Variants in GPR162 observed in about 807,000 individuals in gnomAD.
The protein encoded by GPR162 is G protein-coupled receptor 162.
Under a neutral mutation model 44.9 loss-of-function variants are expected in GPR162, and 26 were observed. The ratio of observed to expected loss-of-function variants is 0.58; its 90% CI spans 0.42 to 0.80. The LOEUF is 0.80. Ranked by LOEUF, GPR162 falls within the 30% of genes least tolerant of loss-of-function variation. The probability of loss-of-function intolerance (pLI) is 0.00; values close to 1 mark genes in which losing one functional copy is unlikely to be tolerated. For synonymous variants in GPR162, 363 were observed against 335.2 expected, an observed-to-expected ratio of 1.08 and a Z score of -0.91; for missense variants, 704 against 802.3, an observed-to-expected ratio of 0.88 and a Z score of 1.48.
intron 4 of GPR162, 112 bp downstream of exon 4, chr12:6,826,465 T>A: frequency 8.4e-7 from 1 of 1,189,682 alleles, no homozygotes; most frequent in Non-Finnish European, 1.2e-6. Context: ...CAGGGCACCA[T>A]AGAGCTGGGT....
In GPR162 at chr12:6,822,855, T is replaced by C. The variant is rs1240212003; in HGVS notation, c.-431-613T>C. ...TCAAACTCTCCTCCTTCTCCCTAGT[T>C]CCCCCTCTTTCCATTTCTGGATGCT... On this transcript the variant is annotated intron_variant, in intron 1 of 4. Coordinates refer to ENST00000311268, the MANE Select transcript of GPR162 (RefSeq NM_019858.2). This position sits in a 1 kb window ranked among gnomAD's most constrained non-coding sequence, Gnocchi z 4.2. Among the ~76,000 whole-genome samples, 1 of 151,930 alleles carries C rather than the reference T, an allele frequency of 6.6e-6. No individual in the cohort carries two copies. Among genetic ancestry groups the C allele is most frequent in the African/African-American group, 2.4e-5 (1 of 41,384 alleles).
rs782051777 is a variant in GPR162 at position 6,825,566 on chromosome 12, C to CGCT, written c.959_961dup (p.Leu320dup). The CGCT allele has an allele frequency of 1.2e-6, 2 of 1,609,602 alleles. No homozygotes were observed. The highest frequency in any genetic ancestry group is 2.2e-5 in the South Asian group (2 of 90,072). On this transcript the variant is annotated inframe_insertion, in exon 3 of 5. Coordinates refer to ENST00000311268, the MANE Select transcript of GPR162 (RefSeq NM_019858.2). ...GTGCTGTGGTGCTCCATGGCACAGACGCTGCTGCTGCCCTCCTTCATCTGG... is the reference window on the plus strand; with the variant it reads ...GTGCTGTGGTGCTCCATGGCACAGACGCTGCTGCTGCTGCCCTCCTTCATCTGG...
rs180984481 is a variant in GPR162, at chr12:6,826,202, G to A, written c.1064G>A (p.Gly355Asp). ...MSEEDGDDDG[G>D]CDDYAEGRVC... is the part of the protein sequence containing the mutation. ...TGCCCATTTTCTCTCCTAGATGGGG[G>A]CTGTGACGACTATGCAGAGGGCCGA... Residue 355 changes from glycine to aspartate, a missense_variant, in exon 4 of 5, where the codon GGC becomes GAC. Gly to Asp is a moderately conservative substitution (Grantham distance 94). Coordinates refer to ENST00000311268, the MANE Select transcript of GPR162 (RefSeq NM_019858.2). 1.9e-6 allele frequency: 3 copies of A among 1,613,362 alleles called. No homozygotes were observed. The highest frequency in any genetic ancestry group is 4.5e-5 in the East Asian group (2 of 44,872).
intron 1 of GPR162, among the ~76,000 whole-genome samples, chr12:6,823,213 G>A (rs782026623): frequency 2.0e-5 from 3 of 152,200 alleles, no homozygotes; most frequent in Non-Finnish European, 4.4e-5. Flanking sequence ...GAGTTCCAGC[G>A]GGAGGAGGAA....
chr12:6,823,797 C>A lies in GPR162; in HGVS notation c.-102C>A, dbSNP rs377755632. ...GGGGGCAGCCTGCCTGCTGACAGGG[C>A]GAGGATTGTGGGGATCATGGGAGTG... On this transcript the variant is annotated 5_prime_UTR_variant, in exon 2 of 5. Coordinates refer to ENST00000311268, the MANE Select transcript of GPR162 (RefSeq NM_019858.2). 2 of 1,611,574 alleles carry A rather than the reference C, an allele frequency of 1.2e-6. No individual in the cohort carries two copies. Among genetic ancestry groups the A allele is most frequent in the East Asian group, 4.5e-5 (2 of 44,860 alleles).
chr12:6,824,621 A>AGCCATTGTGGTG lies in GPR162; in HGVS notation c.723_724insGCCATTGTGGTG (p.Val241_Pro242insAlaIleValVal). 6.2e-7 allele frequency: 1 copy of AGCCATTGTGGTG among 1,612,470 alleles called. No individual in the cohort carries two copies. The highest frequency in any genetic ancestry group is 8.5e-7 in the Non-Finnish European group (1 of 1,179,196). On this transcript the variant is annotated inframe_insertion, in exon 2 of 5. Transcript: ENST00000311268. Reference sequence around the variant, plus strand: ...TGGGTACCCGGCCAGCTTTTGAGGTACCAGCCATTGTGGTGGAGGATGCCC... The same window carrying AGCCATTGTGGTG: ...TGGGTACCCGGCCAGCTTTTGAGGTAGCCATTGTGGTGCCAGCCATTGTGGTGGAGGATGCCC...
Position 6,822,928 on chromosome 12 carries a change from C to T in GPR162, c.-431-540C>T, listed in dbSNP as rs982606412. ...CCTTCAGGTTCCCTAGCACCCCCTT[C>T]GGTCCCAGACTCCTTTCTCCCATTT... On this transcript the variant is annotated intron_variant, in intron 1 of 4. Transcript: ENST00000311268. The surrounding 1 kb of genome is among the most constrained non-coding windows in gnomAD (Gnocchi z 4.2). 6.6e-6 allele frequency among the ~76,000 whole-genome samples: 1 copy of T among 152,220 alleles called. No individual in the cohort carries two copies. Among genetic ancestry groups the T allele is most frequent in the African/African-American group, 2.4e-5 (1 of 41,448 alleles).
Position 6,822,068 on chromosome 12 carries a change from C to T in GPR162, c.-432+168C>T, listed in dbSNP as rs1193346275. On this transcript the variant is annotated intron_variant, in intron 1 of 4. Transcript: ENST00000311268. The surrounding 1 kb of genome is among the most constrained non-coding windows in gnomAD (Gnocchi z 4.2). ...GCCGCCTGACCTTACCCCTTCACCC[C>T]AAAGGGCGAGGGACCCCGTCGGCCA... Among the ~76,000 whole-genome samples, 1 of 152,170 alleles carries T rather than the reference C, an allele frequency of 6.6e-6. No individual in the cohort carries two copies. The highest frequency in any genetic ancestry group is 2.4e-5 in the African/African-American group (1 of 41,438).
rs1591576564 is a variant in GPR162 at position 6,827,266 on chromosome 12, C to A, written c.*62C>A. The A allele has an allele frequency of 4.4e-6, 6 of 1,358,660 alleles. No homozygotes were observed. In the African/African-American group the frequency reaches 7.3e-5, roughly 17 times the overall value. The allele number at this position is 1,358,660 out of a possible 1,614,324, so 84.2% of individuals were successfully genotyped here. A position where few individuals can be genotyped will look rare whatever the true frequency, so the allele number is the denominator to read the frequency against. On this transcript the variant is annotated 3_prime_UTR_variant, in exon 5 of 5. Transcript: ENST00000311268. ...TGAGTGAGTAACACCTCATTCTGGC[C>A]GAGAGTAGGGCAGCTGCCTCCAGAC...
rs898983473 is a variant in GPR162 at position 6,826,131 on chromosome 12, G to A, written c.1058-65G>A. 2.4e-6 allele frequency: 3 copies of A among 1,265,466 alleles called. No individual in the cohort carries two copies. The Admixed American group carries it at 5.5e-5, about 23-fold the overall frequency. 78.4% of individuals were successfully genotyped at this position (1,265,466 alleles called of 1,614,324 possible). ...AAGGGGTCTCTGGGAGCTTATAAAG[G>A]CAGTGGTGGGAGGCCGCGGTAGGCA... On this transcript the variant is annotated intron_variant, in intron 3 of 4. Coordinates refer to ENST00000311268, the MANE Select transcript of GPR162 (RefSeq NM_019858.2).
At chr12:6,825,712 T>TATTCCAGGTCTATTCCAGGACTATTTCAG in intron 3 of GPR162, 39 bp downstream of exon 3, 1 of 1,506,294 alleles carries the variant, frequency 6.6e-7, no homozygotes. Context: ...CCTGGACATC[T>TATTCCAGGTCTATTCCAGGACTATTTCAG]GTCTATTCCC....
Position 6,827,182 on chromosome 12 carries a change from T to C in GPR162, c.1745T>C (p.Ile582Thr), listed in dbSNP as rs782095246. The change falls in exon 5 of 5, where the codon ATC (isoleucine) becomes ACC (threonine). Residue 582 changes from isoleucine (I) to threonine (T), a missense_variant. Coordinates refer to ENST00000311268, the MANE Select transcript of GPR162 (RefSeq NM_019858.2). ...WGGSWGPGNP[I>T]FPQLTL The stretch of plus-strand genomic sequence containing the variant: ...GGATCCTGGGGCCCAGGCAACCCCA[T>C]CTTTCCCCAGCTGACCCTGTGAGCC... The C allele has an allele frequency of 1.2e-6, 2 of 1,610,338 alleles. No individual in the cohort carries two copies. Among genetic ancestry groups the C allele is most frequent in the Admixed American group, 3.4e-5 (2 of 59,598 alleles).
At position 6,824,551 on chromosome 12, in the gene GPR162, G is replaced by T. The variant is rs1555119690; in HGVS notation, c.653G>T (p.Arg218Ile). 1.2e-6 allele frequency: 2 copies of T among 1,606,636 alleles called. No individual in the cohort carries two copies. The highest frequency in any genetic ancestry group is 2.2e-5 in the South Asian group (2 of 90,072). Reference protein sequence around the residue: ...ARPRRARQARRVGGGGGTKAG... With the variant: ...ARPRRARQARIVGGGGGTKAG... Reference sequence around the variant, plus strand: ...CCCCGGAGGGCTCGGCAGGCCCGGAGAGTGGGGGGTGGTGGGGGGACCAAA... The same window carrying T: ...CCCCGGAGGGCTCGGCAGGCCCGGATAGTGGGGGGTGGTGGGGGGACCAAA... Residue 218 changes from arginine (R) to isoleucine (I), a missense_variant, in exon 2 of 5, where the codon AGA (arginine) becomes ATA (isoleucine). This residue lies in a region of GPR162 where 56 missense variants were observed against 47.2 expected (regional missense o/e 1.19). Coordinates refer to ENST00000311268, the MANE Select transcript of GPR162 (RefSeq NM_019858.2).
rs1266668266 is a variant in GPR162 at position 6,822,969 on chromosome 12, G to A, written c.-431-499G>A. Among the ~76,000 whole-genome samples the A allele has an allele frequency of 6.6e-6, 1 of 152,202 alleles. No individual in the cohort carries two copies. Among genetic ancestry groups the A allele is most frequent in the Non-Finnish European group, 1.5e-5 (1 of 68,040 alleles). On this transcript the variant is annotated intron_variant, in intron 1 of 4. Transcript: ENST00000311268. The surrounding 1 kb of genome is among the most constrained non-coding windows in gnomAD (Gnocchi z 4.2). Reference sequence around the variant, plus strand: ...TCTCCCATTTTCCCAGATATGGGTAGCTGGAGGGTGATCACCCAGGTTTGG... The same window carrying A: ...TCTCCCATTTTCCCAGATATGGGTAACTGGAGGGTGATCACCCAGGTTTGG...
intron 4 of GPR162, 112 bp downstream of exon 4, chr12:6,826,465 T>C (rs1943357610): frequency 4.2e-6 from 5 of 1,189,682 alleles, no homozygotes; most frequent in Non-Finnish European, 5.9e-6. Flanking sequence ...CAGGGCACCA[T>C]AGAGCTGGGT....
chr12:6,825,639 C>A lies in GPR162; in HGVS notation c.1023C>A (p.Cys341Ter). The A allele has an allele frequency of 1.3e-6, 2 of 1,582,638 alleles. No individual in the cohort carries two copies. Among genetic ancestry groups the A allele is most frequent in the African/African-American group, 1.3e-5 (1 of 74,258 alleles). Reference protein sequence around the residue: ...RADVRTVWEQCVAIMSEEDGD... With the variant: ...RADVRTVWEQ ...ACGTGCGCACAGTGTGGGAGCAATG[C>A]GTGGCCATCATGTCTGAGGAGGATG... The change falls in exon 3 of 5, where the codon TGC becomes TGA. Residue 341 changes from cysteine to a stop codon, truncating the protein, a stop_gained. Coordinates refer to ENST00000311268, the MANE Select transcript of GPR162 (RefSeq NM_019858.2). LOFTEE classifies it high-confidence loss of function.
In GPR162 at chr12:6,827,230, A is replaced by G; in HGVS notation, c.*26A>G. 6.4e-7 allele frequency: 1 copy of G among 1,551,226 alleles called. No individual in the cohort carries two copies. The highest frequency in any genetic ancestry group is 8.7e-7 in the Non-Finnish European group (1 of 1,145,254). ...GCCCAAGCAGGCCTGCTGAACTCAG[A>G]GGAGAAAGCCTGAGTGAGTAACACC... On this transcript the variant is annotated 3_prime_UTR_variant, in exon 5 of 5. Transcript: ENST00000311268.
chr12:6,825,738 T>G, intron 3 of GPR162, 65 bp downstream of exon 3: 1 of 1,405,810 alleles, frequency 7.1e-7, no homozygotes, highest in Non-Finnish European at 9.8e-7. Context: ...TGCCGCTCCT[T>G]CTCAGCCAGA....
In GPR162 at chr12:6,823,914, G is replaced by A. The variant is rs782184342; in HGVS notation, c.16G>A (p.Ala6Thr). Residue 6 changes from alanine to threonine, a missense_variant, in exon 2 of 5, where the codon GCG becomes ACG. Physicochemically the swap from Ala to Thr is moderately conservative, Grantham distance 58. Around this residue, in one of 6 missense-constraint regions of GPR162, gnomAD observed 30 missense variants for 31.8 expected, o/e 0.94. Coordinates refer to ENST00000311268, the MANE Select transcript of GPR162 (RefSeq NM_019858.2). ...TGAGGATAGGATGGCTCGGGGCGGG[G>A]CGGGGGCAGAGGAGGCCTCCCTGCG... MARGG[A>T]GAEEASLRSN... The A allele has an allele frequency of 1.9e-6, 3 of 1,560,988 alleles. No homozygotes were observed. The highest frequency in any genetic ancestry group is 1.8e-5 in the Admixed American group (1 of 55,550).
Sources: gnomAD v4.1 joint callset for allele counts (sites outside exome capture counted in the v4.1 genomes callset) on GRCh38, gnomAD v4.1.1 for gene constraint, gnomAD v4.1.1 regional missense constraint, Gnocchi (gnomAD v3.1) non-coding constraint, MANE v1.5 for transcripts, NCBI Gene and HGNC (gene_info 2026-07-23, HGNC 2026-07-21) for gene names.